The following SLIT2 variants were observed in gnomAD, a reference collection of about 807,000 sequenced individuals.
SLIT2 encodes slit homolog 2 protein.
SLIT2 carries 41 observed loss-of-function variants against 185.7 expected under a neutral mutation model. That is an observed-to-expected ratio of 0.22 (90% confidence interval 0.17 to 0.29). The LOEUF (loss-of-function observed/expected upper bound fraction) is 0.29, where lower values mean the gene tolerates loss of function less well. SLIT2 is among the 10% of genes least tolerant of loss of function. SLIT2 has a pLI of 1.00. For missense variants in SLIT2, 1,571 were observed against 1,909.0 expected (o/e 0.82, Z 3.30); for synonymous variants, 693 against 680.2 (o/e 1.02, Z -0.29).
chr4:20,518,237 G>GTA, intron 11 of SLIT2, among the ~76,000 whole-genome samples: 1 of 92,284 alleles, frequency 1.1e-5, no homozygotes, highest in Non-Finnish European at 2.2e-5. Context: ...ATATGTGTGT[G>GTA]TGTATATATA....
intron 29 of SLIT2, among the ~76,000 whole-genome samples, chr4:20,588,547 A>G (rs554637867): frequency 5.9e-5 from 9 of 152,346 alleles, no homozygotes; most frequent in Non-Finnish European, 1.2e-4. Flanking sequence ...CATTTATTGC[A>G]TATAAAACAA....
intron 6 of SLIT2, among the ~76,000 whole-genome samples, chr4:20,485,287 A>G (rs906526746): frequency 1.3e-5 from 2 of 152,272 alleles, no homozygotes; most frequent in African/African-American, 4.8e-5. Context: ...GCTGGACTGT[A>G]TGCTATCTTA....
intron 26 of SLIT2, among the ~76,000 whole-genome samples, chr4:20,564,843 T>A (rs1322413229): frequency 6.6e-6 from 1 of 151,726 alleles, no homozygotes; most frequent in East Asian, 1.9e-4. Flanking sequence ...CATAACAAAT[T>A]CCAGATATGA....
chr4:20,417,436 GTA>G lies in SLIT2; in HGVS notation c.396-50295_396-50294del, dbSNP rs367855245. On this transcript the variant is annotated intron_variant, in intron 4 of 36. Transcript: ENST00000504154. ...CGCAATCATATATATATGTGTGTGT[GTA>G]TATATATATATATATATATACGTAT... 7.0e-3 allele frequency among the ~76,000 whole-genome samples: 860 copies of G among 123,506 alleles called. 17 individuals are homozygous for G. Among genetic ancestry groups the G allele is most frequent in the African/African-American group, 0.019 (660 of 34,618 alleles). 81.0% of individuals were successfully genotyped at this position (123,506 alleles called of 152,430 possible).
chr4:20,339,090 C>CAAAAAAAAAAAAAA (rs398051113), intron 4 of SLIT2, among the ~76,000 whole-genome samples: 1 of 70,750 alleles, frequency 1.4e-5, no homozygotes, highest in African/African-American at 6.4e-5. Context: ...GAGACACTCT[C>CAAAAAAAAAAAAAA]AAAAAAAAAA....
intron 3 of SLIT2, among the ~76,000 whole-genome samples, chr4:20,265,267 T>C (rs1428492549): frequency 6.6e-6 from 1 of 151,988 alleles, no homozygotes; most frequent in East Asian, 1.9e-4. Flanking sequence ...ATAAATGCTC[T>C]TTATTTTAAG....
At chr4:20,533,480 C>T (rs1577872965) in intron 17 of SLIT2, 92 bp from the exon 18 acceptor site, 2 of 971,552 alleles carry the variant, frequency 2.1e-6, no homozygotes, top group South Asian at 1.6e-5. Flanking sequence ...AGTTGGAAAA[C>T]TTGGATCATT....
Position 20,617,043 on chromosome 4 carries a change from A to G in SLIT2, c.3981A>G (p.Thr1327=), listed in dbSNP as rs1279373319. 6.2e-7 allele frequency: 1 copy of G among 1,614,202 alleles called. No individual in the cohort carries two copies. The highest frequency in any genetic ancestry group is 8.5e-7 in the Non-Finnish European group (1 of 1,180,018). ...ACTTCCAGAAGGTGCCGATGCAAAC[A>G]GGCATTTTGCCTGGCTGTGAGCCAT... ...LQDFQKVPMQ[T]GILPGCEPCH... Residue 1327 remains threonine (T), a synonymous_variant, in exon 35 of 37, where the codon ACA becomes ACG. Coordinates refer to ENST00000504154, the MANE Select transcript of SLIT2 (RefSeq NM_004787.4).
At chr4:20,574,704 T>C (rs1051593802) in intron 29 of SLIT2, among the ~76,000 whole-genome samples, 1 of 151,000 alleles carries the variant, frequency 6.6e-6, no homozygotes, top group East Asian at 2.0e-4. Context: ...GGAGAATCGC[T>C]TGAACCTAGG....
intron 4 of SLIT2, among the ~76,000 whole-genome samples, chr4:20,375,671 A>C (rs2109328842): frequency 6.6e-6 from 1 of 152,092 alleles, no homozygotes; most frequent in South Asian, 2.1e-4. Context: ...AGGGCCCTTT[A>C]AATTTCATCA....
intron 3 of SLIT2, among the ~76,000 whole-genome samples, chr4:20,260,808 TACA>T (rs747213865): frequency 6.6e-6 from 1 of 151,788 alleles, no homozygotes; most frequent in East Asian, 1.9e-4. Flanking sequence ...GTGGATGAAA[TACA>T]ACATTTTCAG....
chr4:20,374,516 A>G (rs150801141), intron 4 of SLIT2, among the ~76,000 whole-genome samples: 93 of 152,202 alleles, frequency 6.1e-4, no homozygotes, highest in Non-Finnish European at 1.2e-3. Flanking sequence ...CTGAGACTCA[A>G]TAGTTTCCTG....
chr4:20,462,648 T>C (rs997184395), intron 4 of SLIT2, among the ~76,000 whole-genome samples: 6 of 152,188 alleles, frequency 3.9e-5, no homozygotes, highest in African/African-American at 1.2e-4. Flanking sequence ...GTCTGCCCAT[T>C]TTCCCTGTCT....
intron 24 of SLIT2, among the ~76,000 whole-genome samples, 181 bp downstream of exon 24, chr4:20,549,309 T>G (rs956740026): frequency 8.5e-5 from 13 of 152,178 alleles, no homozygotes; most frequent in Admixed American, 5.9e-4. Flanking sequence ...ACAGCTTTGC[T>G]TTGGACAATA....
At position 20,303,128 on chromosome 4, in the gene SLIT2, ATGTT is replaced by A. The variant is rs777612875; in HGVS notation, c.395+34248_395+34251del. On this transcript the variant is annotated intron_variant, in intron 4 of 36. Transcript: ENST00000504154. Reference sequence around the variant, plus strand: ...AAGTTCAAGTAGTGTTACATGGAAAATGTTAGTTTTATACTGTGCAAGACTTACT... The same window carrying A: ...AAGTTCAAGTAGTGTTACATGGAAAAAGTTTTATACTGTGCAAGACTTACT... 4.6e-5 allele frequency among the ~76,000 whole-genome samples: 7 copies of A among 152,282 alleles called. No individual in the cohort carries two copies. In the South Asian group the frequency reaches 1.4e-3, roughly 32 times the overall value.
At chr4:20,532,226 T>C (rs548300995) in intron 17 of SLIT2, among the ~76,000 whole-genome samples, 168 bp downstream of exon 17, 1 of 152,316 alleles carries the variant, frequency 6.6e-6, no homozygotes, top group African/African-American at 2.4e-5. Flanking sequence ...CTTTTCTGTG[T>C]GTTCAGCAGT....
In SLIT2 at chr4:20,255,632, C is replaced by G. The variant is rs192184872; in HGVS notation, c.180-1040C>G. Among the ~76,000 whole-genome samples, 224 of 150,894 alleles carry G rather than the reference C, an allele frequency of 1.5e-3. 2 individuals carry two copies. The highest frequency in any genetic ancestry group is 4.7e-3 in the African/African-American group (193 of 40,952). On this transcript the variant is annotated intron_variant, in intron 1 of 36. Coordinates refer to ENST00000504154, the MANE Select transcript of SLIT2 (RefSeq NM_004787.4). ...TTCAGAACAGTTTAAAGTTTAAGCA[C>G]GAACATGTCTTACTCAACAAAAAGG...
intron 3 of SLIT2, among the ~76,000 whole-genome samples, chr4:20,265,559 T>C (rs1712944985): frequency 6.6e-6 from 1 of 151,954 alleles, no homozygotes; most frequent in East Asian, 1.9e-4. Flanking sequence ...GAAACGTATC[T>C]GGTGGGTTTA....
rs771318651 is a variant in SLIT2, at chr4:20,549,028, A to G, written c.2418-29A>G. On this transcript the variant is annotated intron_variant, in intron 23 of 36. Transcript: ENST00000504154. The stretch of plus-strand genomic sequence containing the variant: ...TTTGGCCATTTTTGGATTTCTGAAT[A>G]AAACAAATTGACATATGTATGCTTT... 5.0e-6 allele frequency: 7 copies of G among 1,409,892 alleles called. No individual in the cohort carries two copies. The East Asian group carries it at 1.6e-4, about 32-fold the overall frequency. The allele number at this position is 1,409,892 out of a possible 1,614,324, so 87.3% of individuals were successfully genotyped here.
Sources: allele counts gnomAD v4.1 joint callset (sites outside exome capture counted in the v4.1 genomes callset), GRCh38; gene constraint gnomAD v4.1.1; transcripts MANE v1.5; gene names NCBI Gene and HGNC (gene_info 2026-07-23, HGNC 2026-07-21).